CCPG1: variants seen among roughly 807,000 people sequenced by gnomAD.
CCPG1 encodes cell cycle progression 1.
CCPG1 carries 46 observed loss-of-function variants against 81.3 expected under a neutral mutation model. The ratio of observed to expected loss-of-function variants is 0.57; its 90% CI spans 0.45 to 0.72. The LOEUF (loss-of-function observed/expected upper bound fraction) is 0.72, where lower values mean the gene tolerates loss of function less well. Ranked by LOEUF, CCPG1 falls within the 30% of genes least tolerant of loss-of-function variation. The probability of loss-of-function intolerance (pLI) is 0.00; values close to 1 mark genes in which losing one functional copy is unlikely to be tolerated. For missense variants in CCPG1, 902 were observed against 937.6 expected (o/e 0.96, Z 0.50); for synonymous variants, 330 against 305.2 (o/e 1.08, Z -0.85).
intron 1 of CCPG1, among the ~76,000 whole-genome samples, chr15:55,406,392 T>C (rs1187915779): frequency 1.3e-5 from 2 of 151,828 alleles, no homozygotes; most frequent in Non-Finnish European, 2.9e-5. Flanking sequence ...CTATCTACAC[T>C]TTTATAACTG....
chr15:55,373,152 A>G (rs2056489981), intron 5 of CCPG1: 1 of 411,466 alleles, frequency 2.4e-6, no homozygotes, highest in Non-Finnish European at 4.8e-6. Context: ...AATTCCCTGG[A>G]AAAAATCACC....
intron 1 of CCPG1, among the ~76,000 whole-genome samples, chr15:55,403,173 CATTTTCATATCTG>C: frequency 6.6e-6 from 1 of 152,308 alleles, no homozygotes; most frequent in South Asian, 2.1e-4. Context: ...AAAGCAATTT[CATTTTCATATCTG>C]ATTTAATCTT....
intron 1 of CCPG1, among the ~76,000 whole-genome samples, chr15:55,397,225 A>AC (rs1262201474): frequency 1.5e-5 from 2 of 133,168 alleles, no homozygotes; most frequent in Non-Finnish European, 3.6e-5. Flanking sequence ...AAAAAAAACA[A>AC]ACAAAAAAAA....
chr15:55,380,388 C>T (rs1595845283), intron 3 of CCPG1, among the ~76,000 whole-genome samples: 1 of 151,566 alleles, frequency 6.6e-6, no homozygotes, highest in African/African-American at 2.4e-5. Context: ...CTCCGCCTCC[C>T]GGGTTCACGC....
intron 8 of CCPG1, chr15:55,357,240 A>G (rs1026786469): frequency 2.1e-6 from 2 of 934,706 alleles, no homozygotes; most frequent in African/African-American, 3.6e-5. Flanking sequence ...ACTATCCAAC[A>G]AGATGACCCA....
intron 7 of CCPG1, among the ~76,000 whole-genome samples, chr15:55,361,758 G>A (rs991898722): frequency 5.3e-5 from 8 of 151,764 alleles, no homozygotes; most frequent in Non-Finnish European, 8.8e-5. Context: ...GCTGACTTAC[G>A]GCTTCAAAAA....
chr15:55,406,218 T>C (rs79028158), intron 1 of CCPG1, among the ~76,000 whole-genome samples: 2 of 110,276 alleles, frequency 1.8e-5, no homozygotes, highest in African/African-American at 9.7e-5. Flanking sequence ...AATTGCTGCT[T>C]TTTTTTTTTT....
intron 5 of CCPG1, among the ~76,000 whole-genome samples, chr15:55,374,824 C>T (rs1435549178): frequency 6.6e-6 from 1 of 152,064 alleles, no homozygotes; most frequent in Non-Finnish European, 1.5e-5. Context: ...TTACAGGCAC[C>T]TGGCTAAATT....
intron 6 of CCPG1, among the ~76,000 whole-genome samples, chr15:55,366,073 G>A (rs1237557941): frequency 6.6e-6 from 1 of 152,164 alleles, no homozygotes; most frequent in Non-Finnish European, 1.5e-5. Flanking sequence ...CATACACCCA[G>A]GAACATTTAA....
intron 1 of CCPG1, among the ~76,000 whole-genome samples, chr15:55,405,330 C>A (rs2057197660): frequency 6.6e-6 from 1 of 151,964 alleles, no homozygotes; most frequent in Admixed American, 6.6e-5. Context: ...CCATAGCACT[C>A]CAGTCTAGGC....
intron 1 of CCPG1, among the ~76,000 whole-genome samples, chr15:55,394,616 C>G (rs192860352): frequency 1.1e-4 from 16 of 152,182 alleles, no homozygotes; most frequent in African/African-American, 3.9e-4. Flanking sequence ...CAGTTTAATG[C>G]TTTGTTTACT....
chr15:55,391,972 G>A (rs1345342734), intron 1 of CCPG1, among the ~76,000 whole-genome samples: 1 of 137,596 alleles, frequency 7.3e-6, no homozygotes, highest in Non-Finnish European at 1.5e-5. Context: ...AAGTCCAAGA[G>A]TTCAAGATCA....
chr15:55,377,196 AG>A (rs762307497), intron 4 of CCPG1, 46 bp from the exon 5 acceptor site: 1 of 1,344,990 alleles, frequency 7.4e-7, no homozygotes, highest in South Asian at 1.2e-5. Flanking sequence ...CAATCATTTA[AG>A]GGTCTTACAT....
chr15:55,362,539 GAGT>G (rs2056224415), intron 7 of CCPG1, among the ~76,000 whole-genome samples: 1 of 152,170 alleles, frequency 6.6e-6, no homozygotes, highest in Non-Finnish European at 1.5e-5. Flanking sequence ...GTGGACTGTG[GAGT>G]AGAAGAGACT....
chr15:55,400,099 C>T (rs1408998406), intron 1 of CCPG1, among the ~76,000 whole-genome samples: 2 of 147,412 alleles, frequency 1.4e-5, no homozygotes, highest in East Asian at 2.1e-4. Context: ...CCCAGCTACT[C>T]GGGAGGCTGA....
chr15:55,395,138 G>A (rs1007925922), intron 1 of CCPG1, among the ~76,000 whole-genome samples: 4 of 151,882 alleles, frequency 2.6e-5, no homozygotes, highest in African/African-American at 9.7e-5. Flanking sequence ...CCAAACCCCT[G>A]GTGTTTTGGT....
At chr15:55,399,137 A>T (rs935191107) in intron 1 of CCPG1, among the ~76,000 whole-genome samples, 6 of 152,112 alleles carry the variant, frequency 3.9e-5, no homozygotes, top group Non-Finnish European at 4.4e-5. Flanking sequence ...AGTGCCATGG[A>T]GAAAAAAGTG....
At chr15:55,391,258 G>A (rs1027598267) in intron 1 of CCPG1, among the ~76,000 whole-genome samples, 1 of 152,166 alleles carries the variant, frequency 6.6e-6, no homozygotes, top group African/African-American at 2.4e-5. Context: ...AAGTAGATGG[G>A]CATGTGCCAC....
At chr15:55,371,222 T>C (rs1037170469) in intron 6 of CCPG1, among the ~76,000 whole-genome samples, 7 of 152,210 alleles carry the variant, frequency 4.6e-5, no homozygotes, top group South Asian at 2.1e-4. Flanking sequence ...AAGCTTTGAA[T>C]TGATAAGATA....
Sources: gnomAD v4.1 joint callset for allele counts (sites outside exome capture counted in the v4.1 genomes callset) on GRCh38, gnomAD v4.1.1 for gene constraint, MANE v1.5 for transcripts, NCBI Gene and HGNC (gene_info 2026-07-23, HGNC 2026-07-21) for gene names.